The following NFIA variants were observed in gnomAD, a reference collection of about 807,000 sequenced individuals.
NFIA encodes the protein nuclear factor I A, also known as nuclear factor 1 A-type.
In NFIA, 8 loss-of-function variants were observed where a neutral mutation model predicts 62.8. The ratio of observed to expected loss-of-function variants is 0.13; its 90% CI spans 0.07 to 0.23. NFIA has a LOEUF of 0.23. Among genes scored for constraint, NFIA ranks in the 10% least tolerant of loss-of-function variants. The pLI is 1.00. For missense variants in NFIA, 410 were observed against 642.1 expected (o/e 0.64, Z 3.91); for synonymous variants, 235 against 238.1 (o/e 0.99, Z 0.12).
At chr1:61,132,953 C>A (rs529862195) in intron 2 of NFIA, 20 of 152,266 alleles carry the variant, frequency 1.3e-4, no homozygotes, top group African/African-American at 4.6e-4. Flanking sequence ...CTGCCCCCCC[C>A]ACCCAGGCTT....
intron 10 of NFIA, among the ~76,000 whole-genome samples, chr1:61,435,604 G>GTGCGCCCTGCTATTCCTCCTT (rs1667291485): frequency 6.6e-6 from 1 of 152,098 alleles, no homozygotes; most frequent in Non-Finnish European, 1.5e-5. Context: ...TATTCCTCCT[G>GTGCGCCCTGCTATTCCTCCTT]TGCACCCTGC....
At chr1:61,189,978 C>T (rs538205932) in intron 2 of NFIA, among the ~76,000 whole-genome samples, 11 of 152,050 alleles carry the variant, frequency 7.2e-5, no homozygotes, top group African/African-American at 2.4e-4. Flanking sequence ...TTCTTCTTAC[C>T]GTGCTGTTTG....
intron 6 of NFIA, among the ~76,000 whole-genome samples, chr1:61,367,896 A>T (rs916412175): frequency 3.3e-5 from 5 of 151,664 alleles, no homozygotes; most frequent in Non-Finnish European, 7.4e-5. Context: ...CTGGCGACTT[A>T]GTAGCCATTC....
chr1:61,105,840 A>T (rs371549952), intron 2 of NFIA, among the ~76,000 whole-genome samples: 4 of 151,890 alleles, frequency 2.6e-5, no homozygotes, highest in Non-Finnish European at 5.9e-5. Flanking sequence ...AAAGAATTGC[A>T]TATCTGTGCA....
intron 3 of NFIA, among the ~76,000 whole-genome samples, chr1:61,322,682 T>C (rs919226227): frequency 6.7e-6 from 1 of 149,954 alleles, no homozygotes; most frequent in African/African-American, 2.4e-5. Context: ...AACAGCAGAC[T>C]CATCACAGGA....
At chr1:61,118,549 G>T (rs1646831688) in intron 2 of NFIA, among the ~76,000 whole-genome samples, 1 of 152,100 alleles carries the variant, frequency 6.6e-6, no homozygotes, top group African/African-American at 2.4e-5. Context: ...CAAGGTGATA[G>T]AGAATAACTA....
chr1:61,235,904 A>G (rs1192027633), intron 2 of NFIA, among the ~76,000 whole-genome samples: 3 of 152,174 alleles, frequency 2.0e-5, no homozygotes, highest in Non-Finnish European at 2.9e-5. Flanking sequence ...CCCCCACTCA[A>G]CTGAAGATTG....
intron 2 of NFIA, among the ~76,000 whole-genome samples, chr1:61,089,042 G>C (rs1468273042): frequency 6.6e-6 from 1 of 152,128 alleles, no homozygotes; most frequent in Non-Finnish European, 1.5e-5. Context: ...CATTTATTTT[G>C]GTATTGAGGC....
intron 2 of NFIA, among the ~76,000 whole-genome samples, chr1:61,118,804 A>T (rs1302627254): frequency 1.3e-5 from 2 of 152,056 alleles, no homozygotes; most frequent in Non-Finnish European, 2.9e-5. Flanking sequence ...ACAGGGTTAC[A>T]CAGAATAGGC....
chr1:61,264,653 C>CA (rs1165980251), intron 2 of NFIA, among the ~76,000 whole-genome samples: 3,606 of 60,722 alleles, frequency 0.059, 388 homozygotes, highest in Non-Finnish European at 0.09. Flanking sequence ...CTCCACCTTA[C>CA]AAAAAAAAAA....
intron 10 of NFIA, among the ~76,000 whole-genome samples, chr1:61,430,227 G>A (rs1424661335): frequency 6.6e-6 from 1 of 152,218 alleles, no homozygotes; most frequent in Non-Finnish European, 1.5e-5. Context: ...GCTCAGAAAA[G>A]CACTAATTAT....
intron 3 of NFIA, among the ~76,000 whole-genome samples, chr1:61,303,451 G>C (rs1021219966): frequency 2.0e-5 from 3 of 152,206 alleles, no homozygotes; most frequent in Admixed American, 6.5e-5. Context: ...GGAGTCCAGA[G>C]TAGTTTTGGT....
chr1:61,228,267 G>A (rs1405777227), intron 2 of NFIA, among the ~76,000 whole-genome samples: 9 of 152,080 alleles, frequency 5.9e-5, no homozygotes, highest in East Asian at 3.8e-4. Context: ...AGACCCATTC[G>A]AATTGTAGCA....
chr1:61,195,418 G>A (rs972970092), intron 2 of NFIA, among the ~76,000 whole-genome samples: 7 of 152,054 alleles, frequency 4.6e-5, no homozygotes, highest in African/African-American at 9.7e-5. Context: ...TTGTTCAATC[G>A]TTTGTATTTC....
At chr1:61,424,716 A>G (rs1666789128) in intron 9 of NFIA, among the ~76,000 whole-genome samples, 1 of 152,142 alleles carries the variant, frequency 6.6e-6, no homozygotes, top group South Asian at 2.1e-4. Flanking sequence ...AGGGGAACAC[A>G]CTATCAGATA....
chr1:61,428,674 A>G (rs1666974226), intron 10 of NFIA, among the ~76,000 whole-genome samples: 1 of 152,164 alleles, frequency 6.6e-6, no homozygotes, highest in Non-Finnish European at 1.5e-5. Context: ...ACGTAGATAT[A>G]GATAATAAAA....
chr1:61,106,100 C>CCTCTATCTATCT (rs1553150998), intron 2 of NFIA, among the ~76,000 whole-genome samples: 1 of 149,046 alleles, frequency 6.7e-6, no homozygotes, highest in African/African-American at 2.5e-5. Context: ...CTCTCTCATG[C>CCTCTATCTATCT]ATCTATCTAT....
At chr1:61,222,619 A>G (rs1449615424) in intron 2 of NFIA, among the ~76,000 whole-genome samples, 1 of 152,110 alleles carries the variant, frequency 6.6e-6, no homozygotes, top group Non-Finnish European at 1.5e-5. Flanking sequence ...TCAGTACCAC[A>G]TCTGGTAAAA....
intron 2 of NFIA, among the ~76,000 whole-genome samples, chr1:61,233,301 G>T (rs1177715911): frequency 6.6e-6 from 1 of 152,214 alleles, no homozygotes; most frequent in Non-Finnish European, 1.5e-5. Context: ...TAAATGCAGA[G>T]ATTCTGAACT....
Sources: gnomAD v4.1 joint callset for allele counts (sites outside exome capture counted in the v4.1 genomes callset) on GRCh38, gnomAD v4.1.1 for gene constraint, MANE v1.5 for transcripts, NCBI Gene and HGNC (gene_info 2026-07-23, HGNC 2026-07-21) for gene names.